Variants in PBX1 observed in about 807,000 individuals in gnomAD.
PBX1 encodes pre-B-cell leukemia transcription factor 1.
A neutral mutation model predicts 53.4 loss-of-function variants in PBX1; 6 were observed. The observed-to-expected ratio is 0.11, with a 90% confidence interval of 0.06 to 0.22. The LOEUF (loss-of-function observed/expected upper bound fraction) is 0.22, where lower values mean the gene tolerates loss of function less well. PBX1 is among the 10% of genes least tolerant of loss of function. PBX1 has a pLI of 1.00. For missense variants in PBX1, 251 were observed against 551.4 expected (o/e 0.46, Z 5.46); for synonymous variants, 204 against 212.3 (o/e 0.96, Z 0.34).
chr1:164,840,839 A>T (rs1671253437), intron 8 of PBX1, among the ~76,000 whole-genome samples: 1 of 152,136 alleles, frequency 6.6e-6, no homozygotes, highest in African/African-American at 2.4e-5. Flanking sequence ...AGTATTTTCT[A>T]GGTGTACACA....
chr1:164,622,062 C>G (rs1278773706), intron 2 of PBX1, among the ~76,000 whole-genome samples: 1 of 152,126 alleles, frequency 6.6e-6, no homozygotes, highest in African/African-American at 2.4e-5. Context: ...CTAAGTTTAC[C>G]CAGCCTCTCT....
intron 2 of PBX1, among the ~76,000 whole-genome samples, chr1:164,696,410 T>C (rs2054920): frequency 0.76 from 116,282 of 152,118 alleles, 44,670 homozygotes; most frequent in Middle Eastern, 0.84. Flanking sequence ...CTCAGTACAA[T>C]GAAAACTGTT....
At chr1:164,579,810 C>A (rs1236686361) in intron 2 of PBX1, among the ~76,000 whole-genome samples, 1 of 151,976 alleles carries the variant, frequency 6.6e-6, no homozygotes, top group East Asian at 1.9e-4. Context: ...GAAACAGGAG[C>A]CCAGAATTCT....
chr1:164,836,551 T>C lies in PBX1; in HGVS notation c.1201-10033T>C, dbSNP rs143549607. ...CTCTTGTTTTCATTTCATCAGTAAATAGAATTTTAAAAACAACAATATCCT... is the reference window on the plus strand; with the variant it reads ...CTCTTGTTTTCATTTCATCAGTAAACAGAATTTTAAAAACAACAATATCCT... On this transcript the variant is annotated intron_variant, in intron 8 of 8. Transcript: ENST00000420696. Among the ~76,000 whole-genome samples the C allele has an allele frequency of 5.8e-4, 89 of 152,232 alleles. 1 individual carries two copies. The highest frequency in any genetic ancestry group is 2.1e-3 in the African/African-American group (89 of 41,552).
intron 7 of PBX1, among the ~76,000 whole-genome samples, chr1:164,821,038 T>C (rs1423825150): frequency 6.6e-6 from 1 of 152,214 alleles, no homozygotes; most frequent in African/African-American, 2.4e-5. Context: ...GTCAAGTGAC[T>C]AAACAACTGG....
intron 2 of PBX1, among the ~76,000 whole-genome samples, chr1:164,597,059 G>A (rs1655815072): frequency 7.2e-6 from 1 of 138,270 alleles, no homozygotes; most frequent in Non-Finnish European, 1.6e-5. Context: ...GGGGTTCAGT[G>A]ATCCTGTTCC....
intron 2 of PBX1, among the ~76,000 whole-genome samples, chr1:164,663,228 G>T (rs150414040): frequency 7.6e-4 from 91 of 119,102 alleles, no homozygotes; most frequent in African/African-American, 2.3e-3. Context: ...CTGCCTTCCT[G>T]CCTTCCTTCC....
intron 2 of PBX1, among the ~76,000 whole-genome samples, chr1:164,760,150 C>G (rs890396026): frequency 6.6e-6 from 1 of 152,174 alleles, no homozygotes; most frequent in Non-Finnish European, 1.5e-5. Flanking sequence ...TTAAATGGAG[C>G]CTGTCACTCC....
chr1:164,707,418 TGAGAGAGAGAGAGA>T (rs528876002), intron 2 of PBX1, among the ~76,000 whole-genome samples: 10 of 118,264 alleles, frequency 8.5e-5, no homozygotes, highest in South Asian at 7.4e-4. Flanking sequence ...TGTGTGTGTG[TGAGAGAGAGAGAGA>T]GAGAGAGAGA....
At chr1:164,704,291 A>G (rs1031856344) in intron 2 of PBX1, among the ~76,000 whole-genome samples, 2 of 152,198 alleles carry the variant, frequency 1.3e-5, no homozygotes, top group African/African-American at 4.8e-5. Context: ...GTTCAAACAT[A>G]TAAAACTTTA....
At chr1:164,827,606 C>A (rs1296174708) in intron 8 of PBX1, among the ~76,000 whole-genome samples, 1 of 152,118 alleles carries the variant, frequency 6.6e-6, no homozygotes, top group Non-Finnish European at 1.5e-5. Flanking sequence ...TCTTATAGGG[C>A]CTTTAAACCT....
At chr1:164,731,655 CCT>C (rs1200778618) in intron 2 of PBX1, among the ~76,000 whole-genome samples, 1 of 152,216 alleles carries the variant, frequency 6.6e-6, no homozygotes, top group East Asian at 1.9e-4. Context: ...CCGATTGTCG[CCT>C]CTCTTTGCCT....
chr1:164,566,567 G>C (rs1306922394), intron 2 of PBX1, among the ~76,000 whole-genome samples: 1 of 152,068 alleles, frequency 6.6e-6, no homozygotes, highest in Middle Eastern at 3.2e-3. Context: ...TTAGTAATAG[G>C]CTAAGTTTTG....
At chr1:164,880,533 A>C (rs961236839) in intron 2 of PBX1, among the ~76,000 whole-genome samples, 8 of 152,294 alleles carry the variant, frequency 5.3e-5, no homozygotes, top group Admixed American at 5.2e-4. Flanking sequence ...GCTAAGGGGA[A>C]TGCTTTTTCC....
chr1:164,810,588 A>C lies in PBX1; in HGVS notation c.838-1402A>C, dbSNP rs1213873776. 2.0e-5 allele frequency among the ~76,000 whole-genome samples: 3 copies of C among 152,222 alleles called. No individual in the cohort carries two copies. In the East Asian group the frequency reaches 5.8e-4, roughly 29 times the overall value. ...GCTTGTGCAGTTATCTGAGAAAAAA[A>C]ATCTCCTTACCTTTTTTCTTCTTTT... On this transcript the variant is annotated intron_variant, in intron 5 of 8. Coordinates refer to ENST00000420696, the MANE Select transcript of PBX1 (RefSeq NM_002585.4).
At chr1:164,629,352 A>T (rs116729556) in intron 2 of PBX1, among the ~76,000 whole-genome samples, 8 of 152,234 alleles carry the variant, frequency 5.3e-5, no homozygotes, top group Non-Finnish European at 8.8e-5. Flanking sequence ...CTGCATGTCA[A>T]TGTTCTCTTT....
At chr1:164,644,559 C>T (rs12119891) in intron 2 of PBX1, among the ~76,000 whole-genome samples, 21 of 149,946 alleles carry the variant, frequency 1.4e-4, no homozygotes, top group South Asian at 2.1e-4. Context: ...CGTTTATCAG[C>T]TTTTGTTTTT....
Position 164,761,489 on chromosome 1 carries a change from G to A in PBX1, c.266-31005G>A, listed in dbSNP as rs1188062302. Among the ~76,000 whole-genome samples, 6 of 151,796 alleles carry A rather than the reference G, an allele frequency of 4.0e-5. No individual in the cohort carries two copies. In the East Asian group the frequency reaches 9.7e-4, roughly 25 times the overall value. ...AGACGGAGTTTCGCTCTGTCGCCCA[G>A]GCTGGAGTGCAGTGGCGCGATCTCG... is the stretch of plus-strand genomic sequence containing the variant. On this transcript the variant is annotated intron_variant, in intron 2 of 8. Coordinates refer to ENST00000420696, the MANE Select transcript of PBX1 (RefSeq NM_002585.4).
chr1:164,590,220 A>G (rs930011051), intron 2 of PBX1: 1 of 387,312 alleles, frequency 2.6e-6, no homozygotes, highest in South Asian at 1.9e-5. Context: ...TTGAAAAAAA[A>G]AAAAGCTGGG....
Sources: gnomAD v4.1 joint callset for allele counts (sites outside exome capture counted in the v4.1 genomes callset) on GRCh38, gnomAD v4.1.1 for gene constraint, MANE v1.5 for transcripts, NCBI Gene and HGNC (gene_info 2026-07-23, HGNC 2026-07-21) for gene names.